S100Z: variants seen among roughly 807,000 people sequenced by gnomAD.
S100Z encodes protein S100-Z.
In S100Z, 11 loss-of-function variants were observed where a neutral mutation model predicts 8.5. The ratio of observed to expected loss-of-function variants is 1.30; its 90% CI spans 0.82 to 2.15. The LOEUF is 2.15. S100Z is among the 30% of genes most tolerant of loss of function. S100Z has a pLI of 0.00. For missense variants in S100Z, 126 were observed against 117.9 expected (o/e 1.07, Z -0.32); for synonymous variants, 34 against 43.8 (o/e 0.78, Z 0.89).
In S100Z at chr5:76,863,829, C is replaced by A. The variant is rs541107083; in HGVS notation, c.-175-6337C>A. Among the ~76,000 whole-genome samples, 6 of 152,320 alleles carry A rather than the reference C, an allele frequency of 3.9e-5. No individual in the cohort carries two copies. In the South Asian group the frequency reaches 6.2e-4, roughly 16 times the overall value. On this transcript the variant is annotated intron_variant, in intron 1 of 4. Coordinates refer to ENST00000317593, the MANE Select transcript of S100Z (RefSeq NM_130772.4). ...CTGGGATTACAGGTGTGAGCCACTG[C>A]GCCCGGCCAATTATATTATCTCTTG...
chr5:76,861,037 A>C (rs10035244), intron 1 of S100Z, among the ~76,000 whole-genome samples: 51,624 of 152,156 alleles, frequency 0.34, 9,806 homozygotes, highest in South Asian at 0.65. Context: ...ATTTAGCATA[A>C]AACAGCAACA....
the S100Z span, among the ~76,000 whole-genome samples, chr5:76,936,501 A>G: frequency 6.6e-6 from 1 of 152,090 alleles, no homozygotes; most frequent in Non-Finnish European, 1.5e-5. Flanking sequence ...CCATGAACAT[A>G]CAATTTTTTG....
intron 4 of S100Z, among the ~76,000 whole-genome samples, chr5:76,902,597 C>T (rs1744266550): frequency 6.6e-6 from 1 of 151,670 alleles, no homozygotes; most frequent in Non-Finnish European, 1.5e-5. Flanking sequence ...ACTGTGAGTG[C>T]ACACCTGATT....
chr5:76,942,433 C>CA, the S100Z span, among the ~76,000 whole-genome samples: 71 of 113,206 alleles, frequency 6.3e-4, 2 homozygotes, highest in Admixed American at 4.1e-3. Flanking sequence ...TTATATTGGC[C>CA]AAAAAAAAAA....
rs144942227 is a variant in S100Z at position 76,874,333 on chromosome 5, G to A, written c.-56-971G>A. 2.4e-3 allele frequency among the ~76,000 whole-genome samples: 362 copies of A among 151,960 alleles called. 1 individual carries two copies. Among genetic ancestry groups the A allele is most frequent in the African/African-American group, 8.4e-3 (346 of 41,414 alleles). The stretch of plus-strand genomic sequence containing the variant: ...TCTTCTTTGCTCCCCTATTTTTAGA[G>A]TTCTTCCCCATCATCAGCTTCCTAG... On this transcript the variant is annotated intron_variant, in intron 2 of 4. Coordinates refer to ENST00000317593, the MANE Select transcript of S100Z (RefSeq NM_130772.4).
chr5:76,934,903 G>A, the S100Z span, among the ~76,000 whole-genome samples: 1 of 152,248 alleles, frequency 6.6e-6, no homozygotes, highest in East Asian at 1.9e-4. Context: ...TATTTTGTTG[G>A]GGTCTCCTGG....
At chr5:76,920,482 C>T (rs1174777026) in intron 4 of S100Z, among the ~76,000 whole-genome samples, 3 of 152,180 alleles carry the variant, frequency 2.0e-5, no homozygotes, top group South Asian at 2.1e-4. Flanking sequence ...AATGCTTCGT[C>T]GGAATTTACC....
intron 1 of S100Z, among the ~76,000 whole-genome samples, chr5:76,864,442 C>T (rs909474059): frequency 4.1e-5 from 5 of 120,752 alleles, no homozygotes; most frequent in African/African-American, 1.6e-4. Flanking sequence ...CACTCGGTCA[C>T]CCAGGCTGGA....
At chr5:76,948,226 T>C in the S100Z span, among the ~76,000 whole-genome samples, 8 of 152,156 alleles carry the variant, frequency 5.3e-5, no homozygotes, top group East Asian at 1.5e-3. Flanking sequence ...CTGGGGAGGC[T>C]GAGGCAGGAG....
rs1314528632 is a variant in S100Z, at chr5:76,861,793, G to A, written c.-175-8373G>A. 2.6e-5 allele frequency among the ~76,000 whole-genome samples: 4 copies of A among 152,226 alleles called. No homozygotes were observed. The East Asian group carries it at 7.7e-4, about 29-fold the overall frequency. On this transcript the variant is annotated intron_variant, in intron 1 of 4. Coordinates refer to ENST00000317593, the MANE Select transcript of S100Z (RefSeq NM_130772.4). ...TTCATTTGGCTCAAGAATAAATTTG[G>A]GAAATAAATAAGCATTCATGTTATA...
intron 4 of S100Z, among the ~76,000 whole-genome samples, chr5:76,916,822 A>G (rs1390818472): frequency 6.6e-6 from 1 of 152,340 alleles, no homozygotes; most frequent in South Asian, 2.1e-4. Context: ...AAATCCCTGC[A>G]TTAGAAAAGA....
chr5:76,857,333 A>G (rs572237596), intron 1 of S100Z, among the ~76,000 whole-genome samples: 89 of 152,110 alleles, frequency 5.9e-4, no homozygotes, highest in Non-Finnish European at 1.2e-3. Flanking sequence ...AAGTGAATAG[A>G]GGCTTTTAGA....
At chr5:76,937,472 T>C in the S100Z span, among the ~76,000 whole-genome samples, 1 of 152,056 alleles carries the variant, frequency 6.6e-6, no homozygotes, top group Non-Finnish European at 1.5e-5. Context: ...AAAATGTTGG[T>C]AGGCCAGGCA....
At chr5:76,852,326 T>C (rs1750755398) in intron 1 of S100Z, among the ~76,000 whole-genome samples, 1 of 152,214 alleles carries the variant, frequency 6.6e-6, no homozygotes, top group East Asian at 1.9e-4. Flanking sequence ...ATTTTGCCTG[T>C]TTACACTAGC....
intron 1 of S100Z, among the ~76,000 whole-genome samples, chr5:76,868,837 T>C (rs1742894255): frequency 6.6e-6 from 1 of 152,156 alleles, no homozygotes; most frequent in South Asian, 2.1e-4. Flanking sequence ...TTGGTCAGGC[T>C]GGTCTCAAAC....
At chr5:76,947,893 C>T in the S100Z span, among the ~76,000 whole-genome samples, 1 of 152,098 alleles carries the variant, frequency 6.6e-6, no homozygotes, top group Non-Finnish European at 1.5e-5. Context: ...AAGTGTAAGA[C>T]CTGAAACTAT....
Position 76,860,071 on chromosome 5 carries a change from G to A in S100Z, c.-176+9916G>A, listed in dbSNP as rs188766443. Among the ~76,000 whole-genome samples, 225 of 152,220 alleles carry A rather than the reference G, an allele frequency of 1.5e-3. 1 individual carries two copies. Among genetic ancestry groups the A allele is most frequent in the South Asian group, 6.2e-4 (3 of 4,830 alleles). Reference sequence around the variant, plus strand: ...ATATCAGACAGGGCTCTTAATTGCCGGCAATAAAAGTTGACTCTAGATGCT... The same window carrying A: ...ATATCAGACAGGGCTCTTAATTGCCAGCAATAAAAGTTGACTCTAGATGCT... On this transcript the variant is annotated intron_variant, in intron 1 of 4. Coordinates refer to ENST00000317593, the MANE Select transcript of S100Z (RefSeq NM_130772.4).
At chr5:76,909,657 C>G (rs569149298) in intron 4 of S100Z, among the ~76,000 whole-genome samples, 11 of 152,258 alleles carry the variant, frequency 7.2e-5, no homozygotes, top group Admixed American at 6.5e-4. Flanking sequence ...CAAATGATCA[C>G]AAAAACCCCT....
the S100Z span, among the ~76,000 whole-genome samples, chr5:76,947,195 G>A: frequency 1.3e-5 from 2 of 151,332 alleles, no homozygotes; most frequent in South Asian, 2.1e-4. Context: ...AATCCCCCAC[G>A]TCCTGGCCCC....
Sources: allele counts gnomAD v4.1 joint callset (sites outside exome capture counted in the v4.1 genomes callset), GRCh38; gene constraint gnomAD v4.1.1; transcripts MANE v1.5; gene names NCBI Gene and HGNC (gene_info 2026-07-23, HGNC 2026-07-21).